ALK: variants seen among roughly 807,000 people sequenced by gnomAD.
ALK encodes ALK receptor tyrosine kinase.
ALK carries 74 observed loss-of-function variants against 163.1 expected under a neutral mutation model. That is an observed-to-expected ratio of 0.45 (90% CI 0.38 to 0.55). The LOEUF is 0.55. Among genes scored for constraint, ALK ranks in the 20% least tolerant of loss-of-function variants. ALK has a pLI of 0.00. For missense variants in ALK, 2,063 were observed against 2,105.3 expected (o/e 0.98, Z 0.39); for synonymous variants, 960 against 843.2 (o/e 1.14, Z -2.40).
chr2:29,782,313 C>T (rs1053439596), intron 1 of ALK, among the ~76,000 whole-genome samples: 1 of 152,124 alleles, frequency 6.6e-6, no homozygotes, highest in Admixed American at 6.5e-5. Context: ...GGACTGTGCC[C>T]TCTGGAGCCA....
intron 3 of ALK, among the ~76,000 whole-genome samples, chr2:29,652,920 G>A (rs777645477): frequency 2.6e-5 from 4 of 152,088 alleles, no homozygotes; most frequent in Non-Finnish European, 5.9e-5. Context: ...AAGTTTCTCT[G>A]AGTTCTGTGA....
intron 3 of ALK, among the ~76,000 whole-genome samples, chr2:29,543,145 A>G (rs1426019660): frequency 6.6e-6 from 1 of 152,178 alleles, no homozygotes; most frequent in Non-Finnish European, 1.5e-5. Context: ...AGAAGTTTTT[A>G]TACTATGCAG....
At position 29,193,133 on chromosome 2, in the gene ALK, A is replaced by C; in HGVS notation, c.*91T>G. On this transcript the variant is annotated 3_prime_UTR_variant, in exon 29 of 29. Transcript: ENST00000389048. ...AGGTTGGCACAAAACAAAACGTGAC[A>C]TTTGGTCTCTGGTTTGTGAAGGAGC... 1 of 1,387,618 alleles carries C rather than the reference A, an allele frequency of 7.2e-7. No individual in the cohort carries two copies. The highest frequency in any genetic ancestry group is 1.0e-6 in the Non-Finnish European group (1 of 990,834). The allele number at this position is 1,387,618 out of a possible 1,614,324, so 86.0% of individuals were successfully genotyped here.
intron 1 of ALK, among the ~76,000 whole-genome samples, chr2:29,879,209 TC>T (rs1666796885): frequency 6.6e-6 from 1 of 152,068 alleles, no homozygotes; most frequent in African/African-American, 2.4e-5. Context: ...TGAGAATCCC[TC>T]CCCCAAGCAG....
chr2:29,389,159 G>C lies in ALK; in HGVS notation c.1155-5300C>G, dbSNP rs1184120795. On this transcript the variant is annotated intron_variant, in intron 4 of 28. Coordinates refer to ENST00000389048, the MANE Select transcript of ALK (RefSeq NM_004304.5). ...ATGCTCTAGGGATGCGAAGTGTTTA[G>C]GATGTAGCCTTGTTCTCAAGGAGCT... Among the ~76,000 whole-genome samples the C allele has an allele frequency of 2.6e-5, 4 of 152,320 alleles. No individual in the cohort carries two copies. In the East Asian group the frequency reaches 7.7e-4, roughly 29 times the overall value.
chr2:29,759,716 G>A (rs1680645641), intron 1 of ALK, among the ~76,000 whole-genome samples: 1 of 152,142 alleles, frequency 6.6e-6, no homozygotes, highest in African/African-American at 2.4e-5. Flanking sequence ...TGTGAAATTT[G>A]TAGCCAGCGA....
chr2:29,913,517 C>G (rs1359312890), intron 1 of ALK, among the ~76,000 whole-genome samples: 1 of 152,138 alleles, frequency 6.6e-6, no homozygotes, highest in African/African-American at 2.4e-5. Context: ...AGAAGAAGGA[C>G]TCCTTGATAG....
chr2:29,577,750 A>G (rs1172540443), intron 3 of ALK, among the ~76,000 whole-genome samples: 3 of 152,202 alleles, frequency 2.0e-5, no homozygotes, highest in Non-Finnish European at 4.4e-5. Context: ...AGACAAAAGC[A>G]CATGCTTGGT....
chr2:29,577,151 G>A (rs985742373), intron 3 of ALK, among the ~76,000 whole-genome samples: 6 of 152,016 alleles, frequency 3.9e-5, no homozygotes, highest in African/African-American at 9.7e-5. Flanking sequence ...CACCCGCCTC[G>A]GGAGCCCAAG....
chr2:29,576,299 C>T (rs888866738), intron 3 of ALK, among the ~76,000 whole-genome samples: 11 of 152,238 alleles, frequency 7.2e-5, no homozygotes, highest in Non-Finnish European at 1.5e-4. Flanking sequence ...TCCCAGAGAT[C>T]AGGAGCAGAA....
intron 5 of ALK, among the ~76,000 whole-genome samples, chr2:29,338,731 C>T (rs1025646082): frequency 4.6e-5 from 7 of 152,220 alleles, no homozygotes; most frequent in Non-Finnish European, 7.3e-5. Flanking sequence ...CTCAAGAGTG[C>T]CTGTCACATA....
chr2:29,782,038 T>A (rs1681345498), intron 1 of ALK, among the ~76,000 whole-genome samples: 1 of 152,244 alleles, frequency 6.6e-6, no homozygotes, highest in Non-Finnish European at 1.5e-5. Context: ...AGGTGCTTTT[T>A]ATTCCATAGA....
chr2:29,403,712 A>C (rs1669507553), intron 4 of ALK, among the ~76,000 whole-genome samples: 4 of 38,746 alleles, frequency 1.0e-4, no homozygotes, highest in South Asian at 8.3e-4. Flanking sequence ...GTCTCTACAA[A>C]AAAAAAAAAA....
chr2:29,313,976 T>C lies in ALK; in HGVS notation c.1647+4328A>G, dbSNP rs1311611141. On this transcript the variant is annotated intron_variant, in intron 8 of 28. Coordinates refer to ENST00000389048, the MANE Select transcript of ALK (RefSeq NM_004304.5). ...CAGAAAAGTTCCTCTCTTTTTCCCA[T>C]CTTCAGAGTCCTATTTGCCTGCTGC... Among the ~76,000 whole-genome samples, 4 of 152,112 alleles carry C rather than the reference T, an allele frequency of 2.6e-5. No individual in the cohort carries two copies. In the East Asian group the frequency reaches 5.8e-4, roughly 22 times the overall value.
intron 3 of ALK, among the ~76,000 whole-genome samples, chr2:29,624,354 C>A (rs1676130170): frequency 6.6e-6 from 1 of 152,170 alleles, no homozygotes; most frequent in Non-Finnish European, 1.5e-5. Flanking sequence ...CCTGAGCTCT[C>A]ACACAGAGTA....
chr2:29,399,248 A>G (rs1343103244), intron 4 of ALK, among the ~76,000 whole-genome samples: 1 of 152,140 alleles, frequency 6.6e-6, no homozygotes, highest in East Asian at 1.9e-4. Context: ...CTAGCAAGTG[A>G]ATTATCTTGT....
At chr2:29,879,680 A>T (rs1414538793) in intron 1 of ALK, among the ~76,000 whole-genome samples, 2 of 152,226 alleles carry the variant, frequency 1.3e-5, no homozygotes, top group Non-Finnish European at 2.9e-5. Context: ...TTCTCCCCAA[A>T]GTGACAGAGT....
chr2:29,567,473 G>A (rs933584175), intron 3 of ALK, among the ~76,000 whole-genome samples: 2 of 152,122 alleles, frequency 1.3e-5, no homozygotes, highest in Admixed American at 1.3e-4. Context: ...ACGTATTCAA[G>A]TATTCTCTTG....
chr2:29,480,961 C>G (rs1258307922), intron 4 of ALK, among the ~76,000 whole-genome samples: 1 of 152,128 alleles, frequency 6.6e-6, no homozygotes, highest in Non-Finnish European at 1.5e-5. Flanking sequence ...GTTGCTGGTC[C>G]AGGGACCACT....
Sources: allele counts gnomAD v4.1 joint callset (sites outside exome capture counted in the v4.1 genomes callset), GRCh38; gene constraint gnomAD v4.1.1; transcripts MANE v1.5; gene names NCBI Gene and HGNC (gene_info 2026-07-23, HGNC 2026-07-21).